The following TBC1D23 variants were observed in gnomAD, a reference collection of about 807,000 sequenced individuals.
The protein encoded by TBC1D23 is TBC1 domain family member 23.
Under a neutral mutation model 91.4 loss-of-function variants are expected in TBC1D23, and 55 were observed. That is an observed-to-expected ratio of 0.60 (90% CI 0.48 to 0.75). The LOEUF (loss-of-function observed/expected upper bound fraction) is 0.75. Ranked by LOEUF, TBC1D23 falls within the 30% of genes least tolerant of loss-of-function variation. The probability of loss-of-function intolerance (pLI) is 0.00; values close to 1 mark genes in which losing one functional copy is unlikely to be tolerated. For missense variants in TBC1D23, 725 were observed against 836.1 expected (o/e 0.87, Z 1.64); for synonymous variants, 289 against 281.0 (o/e 1.03, Z -0.28).
chr3:100,282,455 G>A (rs760827044), intron 3 of TBC1D23, among the ~76,000 whole-genome samples: 1 of 152,168 alleles, frequency 6.6e-6, no homozygotes, highest in African/African-American at 2.4e-5. Flanking sequence ...AGCCCTCAAA[G>A]GGGAGCTTTG....
At chr3:100,319,573 C>CT (rs1705814306) in intron 17 of TBC1D23, among the ~76,000 whole-genome samples, 1 of 152,076 alleles carries the variant, frequency 6.6e-6, no homozygotes, top group Admixed American at 6.6e-5. Flanking sequence ...GGATTACAGG[C>CT]ATGCGCCACC....
intron 4 of TBC1D23, 68 bp downstream of exon 4, chr3:100,283,879 T>A (rs1169923238): frequency 1.1e-6 from 1 of 905,120 alleles, no homozygotes; most frequent in Non-Finnish European, 1.7e-6. Flanking sequence ...TGAGCTAAAG[T>A]TGCTAGATTT....
chr3:100,322,633 C>T (rs1705880000), intron 18 of TBC1D23, among the ~76,000 whole-genome samples: 1 of 152,138 alleles, frequency 6.6e-6, no homozygotes, highest in Non-Finnish European at 1.5e-5. Context: ...TTAATATCTA[C>T]TTATAAATTA....
chr3:100,273,218 A>G (rs1190030028), intron 1 of TBC1D23, among the ~76,000 whole-genome samples: 2 of 152,192 alleles, frequency 1.3e-5, no homozygotes, highest in Non-Finnish European at 2.9e-5. Flanking sequence ...GATGACTGTT[A>G]ACGAGCATGC....
chr3:100,321,845 T>C (rs1052382513), intron 18 of TBC1D23, among the ~76,000 whole-genome samples: 1 of 140,470 alleles, frequency 7.1e-6, no homozygotes, highest in Admixed American at 7.2e-5. Context: ...AAAAAAAAAA[T>C]CACTTCATTG....
intron 11 of TBC1D23, among the ~76,000 whole-genome samples, chr3:100,304,070 G>GT (rs1256627094): frequency 4.6e-5 from 7 of 151,904 alleles, no homozygotes; most frequent in Non-Finnish European, 7.4e-5. Flanking sequence ...AAAACAAGAT[G>GT]TTGACATTTG....
At chr3:100,289,862 A>C (rs2067775005) in intron 4 of TBC1D23, among the ~76,000 whole-genome samples, 1 of 152,198 alleles carries the variant, frequency 6.6e-6, no homozygotes, top group South Asian at 2.1e-4. Context: ...CCCAGGTAAT[A>C]AGTAGAGTAC....
At position 100,310,995 on chromosome 3, in the gene TBC1D23, G is replaced by A. The variant is rs200417831; in HGVS notation, c.1553+453G>A. On this transcript the variant is annotated intron_variant, in intron 14 of 18. Coordinates refer to ENST00000394144, the MANE Select transcript of TBC1D23 (RefSeq NM_001199198.3). ...TAAGATCAGACCTTCATAGAATTTC[G>A]TTTACAAAACCCCATTTCCTTGTAA... is the stretch of plus-strand genomic sequence containing the variant. Among the ~76,000 whole-genome samples the A allele has an allele frequency of 5.3e-5, 8 of 152,086 alleles. No individual in the cohort carries two copies. The East Asian group carries it at 1.2e-3, about 22-fold the overall frequency.
At chr3:100,284,253 A>G (rs1017547251) in intron 4 of TBC1D23, among the ~76,000 whole-genome samples, 3 of 152,220 alleles carry the variant, frequency 2.0e-5, no homozygotes, top group Non-Finnish European at 2.9e-5. Flanking sequence ...TTGTTCCACA[A>G]TAGTAACCAT....
intron 1 of TBC1D23, among the ~76,000 whole-genome samples, chr3:100,268,024 TAGCC>T (rs2067570722): frequency 6.6e-6 from 1 of 151,958 alleles, no homozygotes; most frequent in South Asian, 2.1e-4. Context: ...TAAAAAAAAT[TAGCC>T]AGACTTGGTG....
At chr3:100,311,522 T>TA (rs759130446) in intron 14 of TBC1D23, among the ~76,000 whole-genome samples, 3 of 152,222 alleles carry the variant, frequency 2.0e-5, no homozygotes, top group Non-Finnish European at 2.9e-5. Flanking sequence ...CTAACCCTTT[T>TA]ACCTTTTGTT....
Position 100,283,707 on chromosome 3 carries a change from A to G in TBC1D23, c.372A>G (p.Thr124=). The change falls in exon 4 of 19, where the codon ACA becomes ACG. Residue 124 remains threonine (T), a synonymous_variant. Coordinates refer to ENST00000394144, the MANE Select transcript of TBC1D23 (RefSeq NM_001199198.3). ...AATCACGTAACATTAAATATAGCAC[A>G]TCCCTTAGCTGGATACATCTACTGA... ...YCKSRNIKYS[T]SLSWIHLLKP... 1 of 1,612,542 alleles carries G rather than the reference A, an allele frequency of 6.2e-7. No homozygotes were observed. Among genetic ancestry groups the G allele is most frequent in the Non-Finnish European group, 8.5e-7 (1 of 1,178,586 alleles).
At chr3:100,319,290 TTATC>T in intron 17 of TBC1D23, 86 bp downstream of exon 17, 1 of 1,077,170 alleles carries the variant, frequency 9.3e-7, no homozygotes, top group Non-Finnish European at 1.4e-6. Context: ...GAACCTTTAT[TTATC>T]CTAGTACAAT....
intron 13 of TBC1D23, among the ~76,000 whole-genome samples, chr3:100,308,350 C>T (rs905542444): frequency 3.3e-5 from 5 of 152,084 alleles, no homozygotes; most frequent in Non-Finnish European, 7.4e-5. Flanking sequence ...TGGCAGGCGC[C>T]TGTAGTCCCA....
At chr3:100,310,033 A>C (rs1209728853) in intron 13 of TBC1D23, among the ~76,000 whole-genome samples, 1 of 152,250 alleles carries the variant, frequency 6.6e-6, no homozygotes, top group African/African-American at 2.4e-5. Context: ...TCTGGAGGCT[A>C]AAAGTCCAAG....
chr3:100,313,728 A>C (rs184137801), intron 15 of TBC1D23, among the ~76,000 whole-genome samples: 1 of 152,092 alleles, frequency 6.6e-6, no homozygotes, highest in Non-Finnish European at 1.5e-5. Context: ...GAGAAAACTT[A>C]TAATCTAATC....
intron 10 of TBC1D23, among the ~76,000 whole-genome samples, chr3:100,299,650 C>G (rs569743787): frequency 2.0e-5 from 3 of 152,166 alleles, no homozygotes; most frequent in Admixed American, 6.5e-5. Context: ...GGTGGGATTA[C>G]AGGCACCCAC....
Position 100,306,465 on chromosome 3 carries a change from T to C in TBC1D23, c.1335T>C (p.Asn445=), listed in dbSNP as rs369101125. ...MALQQHLADI[N]VDGPENGYGH... ...TGCAGCAGCACCTGGCAGACATTAA[T>C]GTGGATGGACCAGAAAATGGATATG... The change falls in exon 13 of 19, where the codon AAT becomes AAC. Residue 445 remains asparagine, a synonymous_variant. Transcript: ENST00000394144. 6 of 1,612,150 alleles carry C rather than the reference T, an allele frequency of 3.7e-6. No homozygotes were observed. The highest frequency in any genetic ancestry group is 1.3e-5 in the African/African-American group (1 of 75,010).
intron 1 of TBC1D23, among the ~76,000 whole-genome samples, chr3:100,263,030 C>T (rs1308133067): frequency 1.3e-5 from 2 of 152,146 alleles, no homozygotes. Flanking sequence ...GTGAAGAGAC[C>T]ACCAAACAGA....
Sources: gnomAD v4.1 joint callset for allele counts (sites outside exome capture counted in the v4.1 genomes callset) on GRCh38, gnomAD v4.1.1 for gene constraint, MANE v1.5 for transcripts, NCBI Gene and HGNC (gene_info 2026-07-23, HGNC 2026-07-21) for gene names.